Variants in OR6N1 observed in about 807,000 individuals in gnomAD.
OR6N1 encodes olfactory receptor 6N1.
For missense variants in OR6N1, 394 were observed against 371.7 expected, an observed-to-expected ratio of 1.06 and a Z score of -0.49; for synonymous variants, 170 against 150.7, an observed-to-expected ratio of 1.13 and a Z score of -0.94.
the OR6N1 span, among the ~76,000 whole-genome samples, chr1:158,800,334 A>C: frequency 1.3e-5 from 2 of 152,192 alleles, no homozygotes; most frequent in African/African-American, 4.8e-5. Context: ...AGGAAAGAAA[A>C]AAAAAATCAA....
At chr1:158,804,695 T>TATGTAATA in the OR6N1 span, among the ~76,000 whole-genome samples, 1 of 152,336 alleles carries the variant, frequency 6.6e-6, no homozygotes, top group Non-Finnish European at 1.5e-5. Context: ...CCTATATTTA[T>TATGTAATA]ATGTAATACA....
the OR6N1 span, chr1:158,777,541 A>G: frequency 1.2e-6 from 2 of 1,614,062 alleles, no homozygotes; most frequent in African/African-American, 2.7e-5. Flanking sequence ...GTATGCCAAT[A>G]GCAGCAGGAC....
At chr1:158,781,593 T>C in the OR6N1 span, among the ~76,000 whole-genome samples, 1 of 152,240 alleles carries the variant, frequency 6.6e-6, no homozygotes, top group African/African-American at 2.4e-5. Context: ...TCACATTTCT[T>C]GACTCACCTC....
chr1:158,784,350 A>G, the OR6N1 span, among the ~76,000 whole-genome samples: 1 of 152,302 alleles, frequency 6.6e-6, no homozygotes, highest in Middle Eastern at 3.4e-3. Context: ...ATATATGTAT[A>G]CATTGTGTAA....
At chr1:158,832,524 T>C in the OR6N1 span, among the ~76,000 whole-genome samples, 10 of 151,744 alleles carry the variant, frequency 6.6e-5, no homozygotes, top group Non-Finnish European at 1.3e-4. Context: ...TATATCTAAG[T>C]ATATATGTTA....
chr1:158,771,278 C>G (rs1249833869), intron 1 of OR6N1, among the ~76,000 whole-genome samples: 1 of 152,114 alleles, frequency 6.6e-6, no homozygotes, highest in African/African-American at 2.4e-5. Context: ...AGGCATATGT[C>G]TTATCACTCC....
the OR6N1 span, among the ~76,000 whole-genome samples, chr1:158,805,805 T>G: frequency 2.6e-5 from 4 of 152,190 alleles, no homozygotes; most frequent in Non-Finnish European, 4.4e-5. Flanking sequence ...CTTAAGAGTT[T>G]GTTCATTCAT....
the OR6N1 span, among the ~76,000 whole-genome samples, chr1:158,801,935 AC>A: frequency 7.9e-5 from 12 of 151,842 alleles, no homozygotes; most frequent in Admixed American, 2.0e-4. Context: ...CATCTTTTCT[AC>A]CCCAAGACAC....
the OR6N1 span, among the ~76,000 whole-genome samples, chr1:158,831,030 G>A: frequency 6.6e-6 from 1 of 152,198 alleles, no homozygotes; most frequent in Non-Finnish European, 1.5e-5. Flanking sequence ...GGAAAGGAGG[G>A]AGAAACTTTG....
At chr1:158,784,646 T>C in the OR6N1 span, among the ~76,000 whole-genome samples, 1 of 152,212 alleles carries the variant, frequency 6.6e-6, no homozygotes. Context: ...TTCTTTAGAT[T>C]TCACATACGA....
rs1571601326 is a variant in OR6N1 at position 158,766,517 on chromosome 1, G to A, written c.166C>T (p.His56Tyr). The A allele has an allele frequency of 1.2e-6, 2 of 1,614,162 alleles. No individual in the cohort carries two copies. The highest frequency in any genetic ancestry group is 4.5e-5 in the East Asian group (2 of 44,872). ...FLVVCLDSRL[H>Y]TPMYHFVSIL... ...CTGACAAAGTGGTACATGGGTGTGT[G>A]AAGCCGGGAGTCCAGGCAGACCACC... Residue 56 changes from histidine to tyrosine, a missense_variant, in exon 2 of 2, where the codon CAC becomes TAC. His to Tyr is a moderately conservative substitution (Grantham distance 83, BLOSUM62 2). Transcript: ENST00000641846.
chr1:158,788,724 A>G, the OR6N1 span, among the ~76,000 whole-genome samples: 4 of 152,152 alleles, frequency 2.6e-5, no homozygotes, highest in African/African-American at 9.6e-5. Context: ...TGTTTACTAC[A>G]GTCACCCTAC....
the OR6N1 span, among the ~76,000 whole-genome samples, chr1:158,808,012 A>G: frequency 1.3e-5 from 2 of 151,194 alleles, no homozygotes; most frequent in African/African-American, 4.9e-5. Context: ...CTCTGACCAC[A>G]TGATTGACAA....
chr1:158,800,934 A>C, the OR6N1 span, among the ~76,000 whole-genome samples: 2 of 152,148 alleles, frequency 1.3e-5, no homozygotes, highest in Non-Finnish European at 2.9e-5. Flanking sequence ...CCTTCAGAGA[A>C]GTAGCAACTG....
chr1:158,834,672 G>A, the OR6N1 span, among the ~76,000 whole-genome samples: 4 of 151,958 alleles, frequency 2.6e-5, no homozygotes, highest in East Asian at 5.8e-4. Context: ...CTGTGCCATC[G>A]GTGTCATGTC....
the OR6N1 span, among the ~76,000 whole-genome samples, chr1:158,817,698 T>C: frequency 6.6e-6 from 1 of 152,144 alleles, no homozygotes. Context: ...GTGGAAGGCA[T>C]AGGCATGGGT....
At chr1:158,805,920 G>A in the OR6N1 span, among the ~76,000 whole-genome samples, 1 of 152,146 alleles carries the variant, frequency 6.6e-6, no homozygotes. Context: ...TTCACTACAG[G>A]ATGGTAAGTC....
the OR6N1 span, among the ~76,000 whole-genome samples, chr1:158,810,482 T>C: frequency 6.6e-6 from 1 of 152,166 alleles, no homozygotes; most frequent in Non-Finnish European, 1.5e-5. Flanking sequence ...CAAGGACCTC[T>C]CTGGGGCAAG....
the OR6N1 span, among the ~76,000 whole-genome samples, chr1:158,802,618 T>C: frequency 5.3e-5 from 8 of 152,214 alleles, no homozygotes; most frequent in Non-Finnish European, 2.9e-5. Flanking sequence ...CACCATATTA[T>C]CACAGCACAG....
Sources: gnomAD v4.1 joint callset for allele counts (sites outside exome capture counted in the v4.1 genomes callset) on GRCh38, gnomAD v4.1.1 for gene constraint, MANE v1.5 for transcripts, NCBI Gene and HGNC (gene_info 2026-07-23, HGNC 2026-07-21) for gene names.